Variants in RNF111 observed in about 807,000 individuals in gnomAD.
RNF111 encodes ring finger protein 111, also known as E3 ubiquitin-protein ligase Arkadia.
A neutral mutation model predicts 95.1 loss-of-function variants in RNF111; 17 were observed. That is an observed-to-expected ratio of 0.18 (90% CI 0.12 to 0.27). The LOEUF (loss-of-function observed/expected upper bound fraction) is 0.27. Ranked by LOEUF, RNF111 falls within the 10% of genes least tolerant of loss-of-function variation. The pLI is 1.00. For missense variants in RNF111, 1,189 were observed against 1,210.4 expected (o/e 0.98, Z 0.26); for synonymous variants, 440 against 414.8 (o/e 1.06, Z -0.74).
chr15:59,034,580 T>C (rs2041079298), intron 2 of RNF111, among the ~76,000 whole-genome samples: 1 of 152,224 alleles, frequency 6.6e-6, no homozygotes, highest in Non-Finnish European at 1.5e-5. Context: ...TTTGGAATGA[T>C]TTTTTAAAAA....
At chr15:59,043,648 G>A (rs761964275) in intron 2 of RNF111, among the ~76,000 whole-genome samples, 3 of 152,108 alleles carry the variant, frequency 2.0e-5, no homozygotes, top group Non-Finnish European at 2.9e-5. Flanking sequence ...GTGAACATTT[G>A]GGTACAAATC....
At chr15:59,023,502 A>G (rs1185401442) in intron 1 of RNF111, among the ~76,000 whole-genome samples, 4 of 151,564 alleles carry the variant, frequency 2.6e-5, no homozygotes, top group African/African-American at 7.3e-5. Flanking sequence ...TGTGTAAAGG[A>G]AAGTCATTGA....
At chr15:59,039,131 A>T (rs554768819) in intron 2 of RNF111, among the ~76,000 whole-genome samples, 3 of 151,940 alleles carry the variant, frequency 2.0e-5, no homozygotes, top group East Asian at 3.9e-4. Context: ...TACCTGGCTA[A>T]TTTTTTATTT....
In RNF111 at chr15:59,034,990, G is replaced by A. The variant is rs1461843041; in HGVS notation, c.880+3288G>A. Among the ~76,000 whole-genome samples the A allele has an allele frequency of 5.9e-5, 9 of 152,226 alleles. No homozygotes were observed. In the South Asian group the frequency reaches 1.7e-3, roughly 28 times the overall value. On this transcript the variant is annotated intron_variant, in intron 2 of 13. Transcript: ENST00000348370. ...TTTATAAAGGAAAGGGGTTTAATTG[G>A]CTCACAGTTCCACATGGCTGGGGAG...
intron 6 of RNF111, among the ~76,000 whole-genome samples, chr15:59,073,492 AAAAT>A (rs1452983548): frequency 6.0e-5 from 9 of 150,530 alleles, no homozygotes; most frequent in South Asian, 4.2e-4. Context: ...AAAAAAAAAA[AAAAT>A]AAATAAACTA....
intron 5 of RNF111, among the ~76,000 whole-genome samples, chr15:59,059,630 A>G (rs1459198430): frequency 2.0e-5 from 3 of 152,138 alleles, no homozygotes; most frequent in African/African-American, 7.2e-5. Flanking sequence ...CCGTTGCCTA[A>G]TCCAGGGTCA....
intron 4 of RNF111, among the ~76,000 whole-genome samples, chr15:59,056,453 TG>T (rs2042204116): frequency 6.6e-6 from 1 of 152,172 alleles, no homozygotes; most frequent in African/African-American, 2.4e-5. Flanking sequence ...GGAATCATCT[TG>T]AGGTATTATT....
In RNF111 at chr15:59,058,414, C is replaced by T. The variant is rs370164163; in HGVS notation, c.1230C>T (p.Ser410=). The change falls in exon 5 of 14, where the codon TCC becomes TCT. Residue 410 remains serine (S), a synonymous_variant. Transcript: ENST00000348370. The part of the protein sequence containing the change: ...ARMESQATSA[S]INNSNPSTSE... ...TGGAATCACAAGCTACTAGCGCTTC[C>T]ATTAACAATTCAAATCCATCTACCT... 6.2e-7 allele frequency: 1 copy of T among 1,614,098 alleles called. No homozygotes were observed. Among genetic ancestry groups the T allele is most frequent in the Non-Finnish European group, 8.5e-7 (1 of 1,179,986 alleles).
chr15:59,076,301 GTTC>G, intron 7 of RNF111, 86 bp downstream of exon 7: 1 of 1,454,952 alleles, frequency 6.9e-7, no homozygotes, highest in East Asian at 2.3e-5. Flanking sequence ...TTTAATCCCA[GTTC>G]TTAAATTTTT....
rs1404092257 is a variant in RNF111, at chr15:59,031,176, G to C, written c.354G>C (p.Leu118=). 3 of 1,614,178 alleles carry C rather than the reference G, an allele frequency of 1.9e-6. No individual in the cohort carries two copies. The highest frequency in any genetic ancestry group is 1.1e-5 in the South Asian group (1 of 91,080). The change falls in exon 2 of 14, where the codon CTG becomes CTC. Residue 118 remains leucine, a synonymous_variant. Transcript: ENST00000348370. ...CVKENQGILG[L]RQHLGTPSDE... ...AAGAAAACCAGGGAATATTAGGACT[G>C]AGGCAACACCTAGGGACACCAAGTG...
In RNF111 at chr15:59,067,056, T is replaced by C. The variant is rs778636573; in HGVS notation, c.1659T>C (p.Ser553=). The change falls in exon 6 of 14, where the codon AGT becomes AGC. Residue 553 remains serine, a synonymous_variant. Transcript: ENST00000348370. Reference sequence around the variant, plus strand: ...TACAAGCACCTTGTGGAGCAAATAGTAGTTCTGGTACCAGCTATCATGAAC... The same window carrying C: ...TACAAGCACCTTGTGGAGCAAATAGCAGTTCTGGTACCAGCTATCATGAAC... ...PQVQAPCGAN[S]SSGTSYHEQQ... is the part of the protein sequence containing the mutation. The C allele has an allele frequency of 1.1e-5, 17 of 1,613,890 alleles. No homozygotes were observed. The Middle Eastern group carries it at 1.3e-3, about 125-fold the overall frequency.
At chr15:59,030,501 G>A (rs535154710) in intron 1 of RNF111, among the ~76,000 whole-genome samples, 6 of 152,280 alleles carry the variant, frequency 3.9e-5, no homozygotes, top group African/African-American at 1.4e-4. Context: ...GACCAAATAT[G>A]TTTTGTTGCT....
chr15:59,082,078 T>TC (rs539899323), intron 8 of RNF111, among the ~76,000 whole-genome samples: 143 of 152,228 alleles, frequency 9.4e-4, no homozygotes, highest in Middle Eastern at 3.4e-3. Context: ...ACCCTGTCTC[T>TC]CCCCCTCTCC....
At chr15:59,052,568 GATT>G in intron 3 of RNF111, 137 bp downstream of exon 3, 1 of 407,364 alleles carries the variant, frequency 2.5e-6, no homozygotes, top group African/African-American at 2.2e-5. Context: ...CAGATTAGTG[GATT>G]TTTTTTTTTT....
intron 7 of RNF111, among the ~76,000 whole-genome samples, chr15:59,080,336 G>T (rs1272379722): frequency 6.6e-6 from 1 of 152,042 alleles, no homozygotes; most frequent in Non-Finnish European, 1.5e-5. Flanking sequence ...GGCCAGGCTG[G>T]TCTCGAACTC....
chr15:59,091,174 A>G lies in RNF111; in HGVS notation c.2739+20A>G, dbSNP rs1255752422. 1 of 1,421,838 alleles carries G rather than the reference A, an allele frequency of 7.0e-7. No individual in the cohort carries two copies. 88.1% of individuals were successfully genotyped at this position (1,421,838 alleles called of 1,614,324 possible). On this transcript the variant is annotated intron_variant, in intron 12 of 13. Transcript: ENST00000348370. ...AAAAAGGTAAGAATTTATTCTATGA[A>G]ACTTCTGGAGTGTTACTGAAAGGCA...
intron 1 of RNF111, among the ~76,000 whole-genome samples, chr15:59,023,261 AAGTG>A (rs567636147): frequency 1.1e-3 from 164 of 152,218 alleles, no homozygotes; most frequent in Non-Finnish European, 2.0e-3. Flanking sequence ...GAAAAAAAGA[AAGTG>A]AGGAAGTAGC....
At chr15:59,052,217 C>T in intron 2 of RNF111, 88 bp from the exon 3 acceptor site, 1 of 1,170,062 alleles carries the variant, frequency 8.5e-7, no homozygotes, top group Non-Finnish European at 1.2e-6. Context: ...CAATGAATTT[C>T]ATGGTCTTCA....
At chr15:59,014,338 C>A (rs1204284554) in intron 1 of RNF111, among the ~76,000 whole-genome samples, 4 of 152,140 alleles carry the variant, frequency 2.6e-5, no homozygotes, top group African/African-American at 9.7e-5. Flanking sequence ...AATGGTATTA[C>A]AAGTCAGAAT....
Sources: gnomAD v4.1 joint callset for allele counts (sites outside exome capture counted in the v4.1 genomes callset) on GRCh38, gnomAD v4.1.1 for gene constraint, MANE v1.5 for transcripts, NCBI Gene and HGNC (gene_info 2026-07-23, HGNC 2026-07-21) for gene names.